PIK3CD: variants seen among roughly 807,000 people sequenced by gnomAD.
PIK3CD encodes phosphatidylinositol-4,5-bisphosphate 3-kinase catalytic subunit delta.
PIK3CD carries 20 observed loss-of-function variants against 122.9 expected under a neutral mutation model. The ratio of observed to expected loss-of-function variants is 0.16; its 90% CI spans 0.11 to 0.24. The LOEUF (loss-of-function observed/expected upper bound fraction) is 0.24, where lower values mean the gene tolerates loss of function less well. PIK3CD is among the 10% of genes least tolerant of loss of function. The probability of loss-of-function intolerance (pLI) is 1.00; values close to 1 mark genes in which losing one functional copy is unlikely to be tolerated. For synonymous variants in PIK3CD, 596 were observed against 593.4 expected, an observed-to-expected ratio of 1.00 and a Z score of -0.06; for missense variants, 787 against 1,406.3, an observed-to-expected ratio of 0.56 and a Z score of 7.04.
intron 1 of PIK3CD, among the ~76,000 whole-genome samples, chr1:9,683,580 C>T (rs577488992): frequency 3.9e-5 from 6 of 152,222 alleles, no homozygotes; most frequent in East Asian, 1.9e-4. Flanking sequence ...ACTTCCTGCA[C>T]GGCTTCGGCG....
In PIK3CD at chr1:9,724,418, A is replaced by C. The variant is rs751502057; in HGVS notation, c.2861A>C (p.Glu954Ala). The C allele has an allele frequency of 2.5e-6, 4 of 1,614,040 alleles. No individual in the cohort carries two copies. The highest frequency in any genetic ancestry group is 3.3e-5 in the Admixed American group (2 of 60,020). Residue 954 changes from glutamate (E) to alanine (A), a missense_variant, in exon 22 of 24, where the codon GAA becomes GCA. By Grantham distance (107) the Glu-to-Ala change is moderately radical (BLOSUM62 -1). Around this residue, in one of 6 missense-constraint regions of PIK3CD, gnomAD observed 60 missense variants for 129.5 expected, o/e 0.46. Coordinates refer to ENST00000377346, the MANE Select transcript of PIK3CD (RefSeq NM_005026.5). The surrounding 1 kb of genome is among the most constrained non-coding windows in gnomAD (Gnocchi z 7.3). ...AAGACTAATAATAGTGAGAAATTTG[A>C]ACGGTGAGAGTGCCTGAGCCCCACC... ...QGKTNNSEKF[E>A]RFRGYCERAY...
At chr1:9,721,283 AG>A (rs1156367058) in intron 14 of PIK3CD, 35 bp downstream of exon 14, 1 of 1,612,554 alleles carries the variant, frequency 6.2e-7, no homozygotes, top group African/African-American at 1.3e-5. Flanking sequence ...ACTTCTCCAG[AG>A]GGCAGCTGTG....
intron 2 of PIK3CD, among the ~76,000 whole-genome samples, chr1:9,708,170 CTTTT>C (rs889310724): frequency 2.0e-5 from 3 of 149,416 alleles, no homozygotes; most frequent in African/African-American, 7.6e-5. Flanking sequence ...TACATACAGG[CTTTT>C]TGTTTGTTTG....
chr1:9,632,765 G>C, the PIK3CD span, among the ~76,000 whole-genome samples: 1 of 152,068 alleles, frequency 6.6e-6, no homozygotes, highest in African/African-American at 2.4e-5. Flanking sequence ...GGAATCTCTA[G>C]ATCCCTTCTA....
chr1:9,662,721 C>T (rs1346534422), intron 1 of PIK3CD: 2 of 152,060 alleles, frequency 1.3e-5, no homozygotes, highest in African/African-American at 4.8e-5. Context: ...CAGCATCTCG[C>T]TCTTTTTCCC....
At chr1:9,636,207 G>T in the PIK3CD span, among the ~76,000 whole-genome samples, 37 of 151,594 alleles carry the variant, frequency 2.4e-4, no homozygotes, top group African/African-American at 7.5e-4. Flanking sequence ...GCATTTTTTT[G>T]GGGGGGGACA....
Position 9,727,462 on chromosome 1 carries a change from G to A in PIK3CD, c.*416G>A, listed in dbSNP as rs919834251. The A allele has an allele frequency of 4.1e-5, 16 of 385,818 alleles. No homozygotes were observed. The highest frequency in any genetic ancestry group is 1.5e-4 in the South Asian group (6 of 40,564). 23.9% of individuals were successfully genotyped at this position (385,818 alleles called of 1,614,324 possible). Reference sequence around the variant, plus strand: ...CGACAGGATGCCTTGATCCTCGTGCGACCCACCCTGTGTATCCTCCCTAGA... The same window carrying A: ...CGACAGGATGCCTTGATCCTCGTGCAACCCACCCTGTGTATCCTCCCTAGA... On this transcript the variant is annotated 3_prime_UTR_variant, in exon 24 of 24. Coordinates refer to ENST00000377346, the MANE Select transcript of PIK3CD (RefSeq NM_005026.5).
intron 1 of PIK3CD, among the ~76,000 whole-genome samples, chr1:9,675,568 C>A (rs966615016): frequency 9.9e-5 from 15 of 151,886 alleles, no homozygotes; most frequent in African/African-American, 3.6e-4. Context: ...CGGGCTTGTT[C>A]CCAGGAAGAA....
chr1:9,695,853 A>AGAAAAGAAAAG (rs1553164793), intron 2 of PIK3CD, among the ~76,000 whole-genome samples: 6 of 150,250 alleles, frequency 4.0e-5, no homozygotes, highest in African/African-American at 1.5e-4. Flanking sequence ...CAAAAAAAAA[A>AGAAAAGAAAAG]AAAAGAAAAG....
chr1:9,697,878 A>G (rs1437604607), intron 2 of PIK3CD, among the ~76,000 whole-genome samples: 1 of 147,504 alleles, frequency 6.8e-6, no homozygotes, highest in Non-Finnish European at 1.5e-5. Flanking sequence ...TAAAAATGCA[A>G]AGGAGTATCT....
the PIK3CD span, among the ~76,000 whole-genome samples, chr1:9,632,998 A>G: frequency 6.6e-6 from 1 of 151,430 alleles, no homozygotes; most frequent in East Asian, 2.0e-4. Context: ...AGTAGCTGAG[A>G]CTACAGGTGC....
intron 3 of PIK3CD, among the ~76,000 whole-genome samples, chr1:9,712,952 C>T (rs551754638): frequency 4.6e-5 from 7 of 152,186 alleles, no homozygotes; most frequent in Non-Finnish European, 7.4e-5. Flanking sequence ...GAGGCGGAAG[C>T]GGGTAGGTCA....
intron 1 of PIK3CD, among the ~76,000 whole-genome samples, chr1:9,671,699 G>GC (rs1045939591): frequency 2.0e-5 from 3 of 152,040 alleles, no homozygotes; most frequent in Non-Finnish European, 4.4e-5. Flanking sequence ...TCCCGCCTCG[G>GC]CCCCCCAAAG....
intron 1 of PIK3CD, among the ~76,000 whole-genome samples, chr1:9,664,363 A>G (rs887169153): frequency 1.3e-5 from 2 of 151,974 alleles, no homozygotes; most frequent in Admixed American, 6.6e-5. Context: ...CTCATTTTCT[A>G]TAGGGCTGTG....
chr1:9,648,420 C>T (rs1203575263), upstream of PIK3CD, among the ~76,000 whole-genome samples: 2 of 152,222 alleles, frequency 1.3e-5, no homozygotes, highest in African/African-American at 4.8e-5. Flanking sequence ...CTGGCTGTTT[C>T]TTGAAACAAA....
chr1:9,717,746 C>T lies in PIK3CD; in HGVS notation c.1020+120C>T, dbSNP rs539823421. The T allele has an allele frequency of 2.2e-6, 2 of 911,644 alleles. No individual in the cohort carries two copies. The highest frequency in any genetic ancestry group is 5.3e-5 in the East Asian group (2 of 37,944). The allele number at this position is 911,644 out of a possible 1,614,324, so 56.5% of individuals were successfully genotyped here. The stretch of plus-strand genomic sequence containing the variant: ...CATGAAAGCCACCTGACCACATTAC[C>T]CAGCATCCCTGCCTGGGGCGCTGTG... On this transcript the variant is annotated intron_variant, in intron 8 of 23. Transcript: ENST00000377346. The surrounding 1 kb of genome is among the most constrained non-coding windows in gnomAD (Gnocchi z 5.4).
chr1:9,627,737 G>A, the PIK3CD span, among the ~76,000 whole-genome samples: 3 of 152,294 alleles, frequency 2.0e-5, no homozygotes, highest in African/African-American at 7.2e-5. Flanking sequence ...CTCCCTTATC[G>A]CGGCCACCTT....
In PIK3CD at chr1:9,724,304, T is replaced by TG; in HGVS notation, c.2751dup (p.Asn918GlufsTer31). ...TTCCACATTGATTTTGGCCACTTTCTGGGGAATTTCAAGACCAAGTTTGGA... is the reference window on the plus strand; with the variant it reads ...TTCCACATTGATTTTGGCCACTTTCTGGGGGAATTTCAAGACCAAGTTTGGA... On this transcript the variant is annotated frameshift_variant, in exon 22 of 24. Transcript: ENST00000377346. LOFTEE classifies it high-confidence loss of function. This position sits in a 1 kb window ranked among gnomAD's most constrained non-coding sequence, Gnocchi z 7.3. 1 of 1,614,198 alleles carries TG rather than the reference T, an allele frequency of 6.2e-7. No individual in the cohort carries two copies. The highest frequency in any genetic ancestry group is 8.5e-7 in the Non-Finnish European group (1 of 1,180,052).
chr1:9,720,641 G>A lies in PIK3CD; in HGVS notation c.1501G>A (p.Val501Met), dbSNP rs999028906. The change falls in exon 12 of 24, where the codon GTG becomes ATG. Residue 501 changes from valine (V) to methionine (M), a missense_variant. Around this residue, in one of 6 missense-constraint regions of PIK3CD, gnomAD observed 592 missense variants for 920.6 expected, o/e 0.64. Coordinates refer to ENST00000377346, the MANE Select transcript of PIK3CD (RefSeq NM_005026.5). The surrounding 1 kb of genome is among the most constrained non-coding windows in gnomAD (Gnocchi z 9.0). ...GGAGCTGGGGCGACACAGCGAGTGT[G>A]TGCATGTCACCGAGGAGGAGGTGAG... ...ILELGRHSEC[V>M]HVTEEEQLQL... is the part of the protein sequence containing the mutation. 1.2e-5 allele frequency: 19 copies of A among 1,536,322 alleles called. No homozygotes were observed. In the African/African-American group the frequency reaches 1.8e-4, roughly 15 times the overall value.
Sources: allele counts gnomAD v4.1 joint callset (sites outside exome capture counted in the v4.1 genomes callset), GRCh38; gene constraint gnomAD v4.1.1; regional missense constraint gnomAD v4.1.1; non-coding constraint Gnocchi (gnomAD v3.1); transcripts MANE v1.5; gene names NCBI Gene and HGNC (gene_info 2026-07-23, HGNC 2026-07-21).